Variants in TUSC3 observed in about 807,000 individuals in gnomAD.
TUSC3 encodes dolichyl-diphosphooligosaccharide--protein glycosyltransferase subunit TUSC3.
Under a neutral mutation model 44.8 loss-of-function variants are expected in TUSC3, and 45 were observed. The observed-to-expected ratio is 1.00, with a 90% CI of 0.79 to 1.29. The LOEUF (loss-of-function observed/expected upper bound fraction) is 1.29. Among genes scored for constraint, TUSC3 ranks in the 50% most tolerant of loss-of-function variants. TUSC3 has a pLI of 0.00. For synonymous variants in TUSC3, 212 were observed against 152.9 expected (o/e 1.39, Z -2.85); for missense variants, 519 against 437.9 (o/e 1.19, Z -1.65).
At chr8:15,715,825 T>G (rs953577164) in intron 6 of TUSC3, among the ~76,000 whole-genome samples, 8 of 152,172 alleles carry the variant, frequency 5.3e-5, no homozygotes, top group Non-Finnish European at 7.3e-5. Context: ...CGATTCTCAT[T>G]TGTTTTTCCT....
the TUSC3 span, among the ~76,000 whole-genome samples, chr8:15,842,743 C>G: frequency 1.3e-5 from 2 of 152,274 alleles, no homozygotes; most frequent in South Asian, 4.1e-4. Context: ...CTGAGACAAA[C>G]GCGAGAAGGT....
the TUSC3 span, among the ~76,000 whole-genome samples, chr8:15,802,824 A>G: frequency 6.6e-6 from 1 of 152,106 alleles, no homozygotes; most frequent in Non-Finnish European, 1.5e-5. Context: ...AAGTACCCAG[A>G]ACGTGGCTAA....
chr8:15,594,769 T>G (rs1803994212), intron 1 of TUSC3, among the ~76,000 whole-genome samples: 1 of 152,292 alleles, frequency 6.6e-6, no homozygotes, highest in African/African-American at 2.4e-5. Context: ...GTTATCAACT[T>G]GAGTTTGGTG....
intron 1 of TUSC3, among the ~76,000 whole-genome samples, chr8:15,573,632 GTTGT>G (rs536411511): frequency 1.6e-3 from 237 of 152,128 alleles, no homozygotes; most frequent in African/African-American, 5.3e-3. Context: ...AGCTGAGGAA[GTTGT>G]TTATGAACCC....
chr8:15,470,536 G>C (rs975404723), intron 1 of TUSC3, among the ~76,000 whole-genome samples: 2 of 152,140 alleles, frequency 1.3e-5, no homozygotes, highest in African/African-American at 4.8e-5. Context: ...AGAAGTTTGA[G>C]TATGTGTCGG....
intron 2 of TUSC3, among the ~76,000 whole-genome samples, chr8:15,531,619 C>A (rs1484505564): frequency 1.3e-5 from 2 of 152,162 alleles, no homozygotes; most frequent in Non-Finnish European, 2.9e-5. Context: ...TGCCTTATGC[C>A]CCTCAGTTGA....
intron 1 of TUSC3, among the ~76,000 whole-genome samples, chr8:15,430,447 C>A (rs1353038839): frequency 6.6e-6 from 1 of 150,464 alleles, no homozygotes; most frequent in Non-Finnish European, 1.5e-5. Flanking sequence ...GTTAAAAACT[C>A]TCAATAAATT....
chr8:15,819,755 C>G, the TUSC3 span, among the ~76,000 whole-genome samples: 145,756 of 152,296 alleles, frequency 0.96, 69,787 homozygotes, highest in Non-Finnish European at 0.97. Flanking sequence ...AAAATGGTTA[C>G]AGAAGCTACT....
intron 1 of TUSC3, among the ~76,000 whole-genome samples, chr8:15,467,758 T>G (rs1452977671): frequency 6.6e-6 from 1 of 152,176 alleles, no homozygotes. Context: ...TCATCTTGAA[T>G]TACGTTTGTT....
downstream of TUSC3, among the ~76,000 whole-genome samples, chr8:15,770,367 A>T (rs1303488707): frequency 1.3e-5 from 2 of 152,128 alleles, no homozygotes; most frequent in African/African-American, 4.8e-5. Flanking sequence ...GTGAGAACGC[A>T]TGGACACACG....
chr8:15,790,220 T>C, the TUSC3 span, among the ~76,000 whole-genome samples: 3 of 133,098 alleles, frequency 2.3e-5, no homozygotes, highest in Non-Finnish European at 3.1e-5. Flanking sequence ...GGAGTCTTGC[T>C]CTGTCACCAG....
the TUSC3 span, among the ~76,000 whole-genome samples, chr8:15,787,969 C>G: frequency 9.6e-3 from 1,454 of 152,202 alleles, 52 homozygotes; most frequent in East Asian, 0.059. Flanking sequence ...TATTCCTATT[C>G]TCTCTTATTT....
chr8:15,575,066 C>T lies in TUSC3; in HGVS notation c.138+34498C>T, dbSNP rs577403525. On this transcript the variant is annotated intron_variant, in intron 1 of 10. Transcript: ENST00000503731. ...TTTTTATACTGACTATAAACTTATC[C>T]GTAGCAATTAATGGTTTAAAAAATA... is the stretch of plus-strand genomic sequence containing the variant. Among the ~76,000 whole-genome samples, 17 of 151,960 alleles carry T rather than the reference C, an allele frequency of 1.1e-4. No homozygotes were observed. The East Asian group carries it at 2.7e-3, about 24-fold the overall frequency.
intron 1 of TUSC3, among the ~76,000 whole-genome samples, chr8:15,611,255 C>T (rs768180887): frequency 3.3e-5 from 5 of 152,242 alleles, no homozygotes; most frequent in Non-Finnish European, 5.9e-5. Context: ...GGCGTGATCT[C>T]GGCTCACTGC....
chr8:15,782,391 A>T, the TUSC3 span, among the ~76,000 whole-genome samples: 1 of 152,122 alleles, frequency 6.6e-6, no homozygotes, highest in African/African-American at 2.4e-5. Flanking sequence ...AGGCAGGAGA[A>T]TCAGTTGGGC....
At chr8:15,486,555 C>T (rs1051332258) in intron 2 of TUSC3, among the ~76,000 whole-genome samples, 1 of 152,054 alleles carries the variant, frequency 6.6e-6, no homozygotes, top group Non-Finnish European at 1.5e-5. Context: ...AATGATTATT[C>T]TGCCTCAGCC....
At position 15,629,291 on chromosome 8, in the gene TUSC3, G is replaced by A. The variant is rs137932105; in HGVS notation, c.308+6042G>A. On this transcript the variant is annotated intron_variant, in intron 2 of 10. Transcript: ENST00000503731. ...TATAGGATGATATGAATTTCAAAGG[G>A]GCGTCTGTTAAGTAATTGTGGTAGA... is the stretch of plus-strand genomic sequence containing the variant. 5.7e-3 allele frequency among the ~76,000 whole-genome samples: 873 copies of A among 152,096 alleles called. 8 individuals are homozygous for A. Among genetic ancestry groups the A allele is most frequent in the African/African-American group, 0.02 (822 of 41,510 alleles).
At chr8:15,419,757 C>T (rs1799715305) in intron 1 of TUSC3, among the ~76,000 whole-genome samples, 2 of 152,146 alleles carry the variant, frequency 1.3e-5, no homozygotes, top group South Asian at 4.1e-4. Flanking sequence ...TCTCAGTTTC[C>T]TAATTTGTAA....
chr8:15,481,027 C>G lies in TUSC3; in HGVS notation n.92-2359C>G, dbSNP rs138646956. On this transcript the variant is annotated intron_variant and non_coding_transcript_variant, in intron 1 of 5. Transcript: ENST00000503191. The stretch of plus-strand genomic sequence containing the variant: ...CTTTGGGAGGCCAAGGTGGGCAGAT[C>G]ATTTGAGGTCAGGAGTTCGAGACCA... Among the ~76,000 whole-genome samples, 610 of 152,142 alleles carry G rather than the reference C, an allele frequency of 4.0e-3. 1 individual carries two copies. The highest frequency in any genetic ancestry group is 0.014 in the African/African-American group (568 of 41,514).
Sources: allele counts gnomAD v4.1 joint callset (sites outside exome capture counted in the v4.1 genomes callset), GRCh38; gene constraint gnomAD v4.1.1; transcripts MANE v1.5; gene names NCBI Gene and HGNC (gene_info 2026-07-23, HGNC 2026-07-21).